Variants in ZNF583 observed in about 807,000 individuals in gnomAD.
The protein encoded by ZNF583 is zinc finger protein 583.
Under a neutral mutation model 55.3 loss-of-function variants are expected in ZNF583, and 30 were observed. The observed-to-expected ratio is 0.54, with a 90% CI of 0.41 to 0.74. ZNF583 has a LOEUF of 0.74. ZNF583 is among the 30% of genes least tolerant of loss of function. The pLI, the probability that ZNF583 is intolerant of heterozygous loss-of-function variation, is 0.00. For missense variants in ZNF583, 504 were observed against 664.7 expected (o/e 0.76, Z 2.66); for synonymous variants, 208 against 220.0 (o/e 0.95, Z 0.48).
chr19:56,416,641 T>G (rs1443068577), intron 4 of ZNF583, among the ~76,000 whole-genome samples: 1 of 150,414 alleles, frequency 6.6e-6, no homozygotes, highest in Non-Finnish European at 1.5e-5. Flanking sequence ...TGATACTTAG[T>G]GTTTTTGTTA....
chr19:56,424,255 G>A lies in ZNF583; in HGVS notation c.1597G>A (p.Ala533Thr), dbSNP rs1470753217. The A allele has an allele frequency of 6.2e-7, 1 of 1,613,972 alleles. No individual in the cohort carries two copies. Among genetic ancestry groups the A allele is most frequent in the East Asian group, 2.2e-5 (1 of 44,864 alleles). Residue 533 changes from alanine (A) to threonine (T), a missense_variant, in exon 5 of 5, where the codon GCA becomes ACA. Ala to Thr is a moderately conservative substitution (Grantham distance 58). Around this residue, in one of 3 missense-constraint regions of ZNF583, gnomAD observed 63 missense variants for 56.5 expected, o/e 1.11. Transcript: ENST00000333201. ...KDCRKSFRQRAHLAHHERIHT... is the reference protein window; with the variant it reads ...KDCRKSFRQRTHLAHHERIHT... ...TTGCAGGAAATCTTTCAGGCAGCGTGCACATCTTGCTCATCATGAGAGAAT... is the reference window on the plus strand; with the variant it reads ...TTGCAGGAAATCTTTCAGGCAGCGTACACATCTTGCTCATCATGAGAGAAT...
intron 2 of ZNF583, among the ~76,000 whole-genome samples, chr19:56,413,407 C>G (rs1044367434): frequency 6.6e-6 from 1 of 152,088 alleles, no homozygotes; most frequent in African/African-American, 2.4e-5. Context: ...ACTTTGTTTA[C>G]TGTTTCTATT....
intron 1 of ZNF583, among the ~76,000 whole-genome samples, chr19:56,405,117 C>T (rs192583387): frequency 1.3e-5 from 2 of 151,606 alleles, no homozygotes; most frequent in East Asian, 2.0e-4. Flanking sequence ...CATGAAACTG[C>T]GACAGAATTT....
chr19:56,423,118 C>A lies in ZNF583; in HGVS notation c.460C>A (p.Gln154Lys). The A allele has an allele frequency of 6.2e-7, 1 of 1,611,578 alleles. No individual in the cohort carries two copies. The highest frequency in any genetic ancestry group is 1.1e-5 in the South Asian group (1 of 90,498). Residue 154 changes from glutamine (Q) to lysine (K), a missense_variant, in exon 5 of 5, where the codon CAA becomes AAA. Physicochemically the swap from Gln to Lys is moderately conservative, Grantham distance 53 (BLOSUM62 1). Around this residue, in one of 3 missense-constraint regions of ZNF583, gnomAD observed 204 missense variants for 235.2 expected, o/e 0.87. Transcript: ENST00000333201. ...ITHKEILPEV[Q>K]NKEYNKSWQT... The stretch of plus-strand genomic sequence containing the variant: ...TCATAAAGAAATCCTTCCAGAAGTT[C>A]AAAATAAAGAATATAACAAATCTTG...
At chr19:56,420,837 C>G (rs1225436611) in intron 4 of ZNF583, among the ~76,000 whole-genome samples, 1 of 151,984 alleles carries the variant, frequency 6.6e-6, no homozygotes, top group Non-Finnish European at 1.5e-5. Flanking sequence ...TTGTTGATTC[C>G]TATAAGTTCT....
intron 2 of ZNF583, among the ~76,000 whole-genome samples, chr19:56,411,662 C>T (rs2042241202): frequency 6.6e-6 from 1 of 152,204 alleles, no homozygotes; most frequent in Non-Finnish European, 1.5e-5. Context: ...CAGGCCTATC[C>T]AGCACGAGTT....
intron 2 of ZNF583, among the ~76,000 whole-genome samples, chr19:56,413,019 G>A (rs1053536991): frequency 6.6e-6 from 1 of 152,108 alleles, no homozygotes; most frequent in Non-Finnish European, 1.5e-5. Flanking sequence ...CTTTAGGCAT[G>A]CACCACCACA....
chr19:56,422,837 A>G, intron 4 of ZNF583, 54 bp from the exon 5 acceptor site: 1 of 1,397,778 alleles, frequency 7.2e-7, no homozygotes, highest in Non-Finnish European at 9.6e-7. Context: ...TTGTTTTAGA[A>G]ATTTCTTCTA....
chr19:56,405,276 T>C (rs2042128395), intron 1 of ZNF583, among the ~76,000 whole-genome samples: 1 of 152,100 alleles, frequency 6.6e-6, no homozygotes, highest in African/African-American at 2.4e-5. Context: ...TGGTGTGACT[T>C]AGCACTGTAT....
In ZNF583 at chr19:56,423,957, G is replaced by C; in HGVS notation, c.1299G>C (p.Glu433Asp). 6.2e-7 allele frequency: 1 copy of C among 1,614,042 alleles called. No homozygotes were observed. The highest frequency in any genetic ancestry group is 8.5e-7 in the Non-Finnish European group (1 of 1,179,986). ...LDQHQRVHTG[E>D]KPYECIECGK... ...AACATCAGAGGGTTCATACTGGAGAGAAACCCTATGAATGTATTGAATGTG... is the reference window on the plus strand; with the variant it reads ...AACATCAGAGGGTTCATACTGGAGACAAACCCTATGAATGTATTGAATGTG... Residue 433 changes from glutamate (E) to aspartate (D), a missense_variant, in exon 5 of 5, where the codon GAG becomes GAC. Around this residue, in one of 3 missense-constraint regions of ZNF583, gnomAD observed 237 missense variants for 373.0 expected, o/e 0.64. Coordinates refer to ENST00000333201, the MANE Select transcript of ZNF583 (RefSeq NM_152478.3).
At chr19:56,407,866 G>C (rs2042179027) in intron 2 of ZNF583, among the ~76,000 whole-genome samples, 1 of 152,216 alleles carries the variant, frequency 6.6e-6, no homozygotes, top group Admixed American at 6.5e-5. Context: ...GAAAACAGTT[G>C]ATAGTGTGGA....
At chr19:56,410,075 A>G (rs1230986137) in intron 2 of ZNF583, among the ~76,000 whole-genome samples, 1 of 152,084 alleles carries the variant, frequency 6.6e-6, no homozygotes, top group Non-Finnish European at 1.5e-5. Flanking sequence ...TAACTCCACA[A>G]TATTCTTATT....
At position 56,414,390 on chromosome 19, in the gene ZNF583, G is replaced by A; in HGVS notation, c.182G>A (p.Gly61Glu). 3 of 1,614,134 alleles carry A rather than the reference G, an allele frequency of 1.9e-6. No homozygotes were observed. The highest frequency in any genetic ancestry group is 2.5e-6 in the Non-Finnish European group (3 of 1,180,018). The change falls in exon 4 of 5, where the codon GGA becomes GAA. Residue 61 changes from glycine (G) to glutamate (E), a missense_variant. Gly to Glu is a moderately conservative substitution (Grantham distance 98). Coordinates refer to ENST00000333201, the MANE Select transcript of ZNF583 (RefSeq NM_152478.3). ...GATGTGATCTCATTATTGGAGCAAG[G>A]AAAAGAGCCCTGGATGGTGAAGAAG... ...KPDVISLLEQ[G>E]KEPWMVKKEG... is the part of the protein sequence containing the mutation.
At position 56,407,054 on chromosome 19, in the gene ZNF583, C is replaced by G; in HGVS notation, c.-61C>G. On this transcript the variant is annotated 5_prime_UTR_variant, in exon 2 of 5. Transcript: ENST00000333201. ...GACTTTCTCAGGATACTGTCCCTCT[C>G]CCACAGAGGAGCTGAAGGAGTAGGA... The G allele has an allele frequency of 6.2e-7, 1 of 1,605,756 alleles. No individual in the cohort carries two copies. Among genetic ancestry groups the G allele is most frequent in the South Asian group, 1.1e-5 (1 of 90,412 alleles).
chr19:56,418,922 C>A (rs1310623365), intron 4 of ZNF583, among the ~76,000 whole-genome samples: 1 of 152,092 alleles, frequency 6.6e-6, no homozygotes, highest in Non-Finnish European at 1.5e-5. Flanking sequence ...GAAAACGTTA[C>A]TTTCTATTCC....
At chr19:56,416,824 C>T (rs1470776082) in intron 4 of ZNF583, among the ~76,000 whole-genome samples, 1 of 152,004 alleles carries the variant, frequency 6.6e-6, no homozygotes, top group Non-Finnish European at 1.5e-5. Context: ...TGCATATACC[C>T]ATGAAACTGT....
Position 56,426,511 on chromosome 19 carries a change from G to A in ZNF583, c.*2143G>A, listed in dbSNP as rs1172045571. On this transcript the variant is annotated 3_prime_UTR_variant, in exon 5 of 5. Coordinates refer to ENST00000333201, the MANE Select transcript of ZNF583 (RefSeq NM_152478.3). ...CAATATTTTTTAAACCTAAGAATGG[G>A]AGAAAATTATTGCAGCACATATAAA... 1 of 152,100 alleles carries A rather than the reference G, an allele frequency of 6.6e-6. No homozygotes were observed. Among genetic ancestry groups the A allele is most frequent in the Non-Finnish European group, 1.5e-5 (1 of 68,020 alleles). The allele number at this position is 152,100 out of a possible 1,614,324, so 9.4% of individuals were successfully genotyped here. A position where few individuals can be genotyped will look rare whatever the true frequency, so the allele number is the denominator to read the frequency against.
rs574386654 is a variant in ZNF583 at position 56,426,917 on chromosome 19, T to C, written c.*2549T>C. 1.5e-5 allele frequency: 2 copies of C among 132,946 alleles called. No individual in the cohort carries two copies. Among genetic ancestry groups the C allele is most frequent in the South Asian group, 4.9e-4 (2 of 4,080 alleles). The allele number at this position is 132,946 out of a possible 1,614,324, so 8.2% of individuals were successfully genotyped here. A position where few individuals can be genotyped will look rare whatever the true frequency, so the allele number is the denominator to read the frequency against. The stretch of plus-strand genomic sequence containing the variant: ...TTCCCTCCAGATTCTATTATACACA[T>C]AGAACAATGTAAATGATTCTTAAAA... On this transcript the variant is annotated 3_prime_UTR_variant, in exon 5 of 5. Coordinates refer to ENST00000333201, the MANE Select transcript of ZNF583 (RefSeq NM_152478.3).
chr19:56,422,474 T>C (rs1312515670), intron 4 of ZNF583, among the ~76,000 whole-genome samples: 1 of 152,184 alleles, frequency 6.6e-6, no homozygotes, highest in Non-Finnish European at 1.5e-5. Context: ...TGTATCCTAA[T>C]AAGGATATTA....
Sources: allele counts gnomAD v4.1 joint callset (sites outside exome capture counted in the v4.1 genomes callset), GRCh38; gene constraint gnomAD v4.1.1; regional missense constraint gnomAD v4.1.1; transcripts MANE v1.5; gene names NCBI Gene and HGNC (gene_info 2026-07-23, HGNC 2026-07-21).